Variants in RNF220 observed in about 807,000 individuals in gnomAD.
The protein encoded by RNF220 is ring finger protein 220, also known as E3 ubiquitin-protein ligase RNF220.
Under a neutral mutation model 67.1 loss-of-function variants are expected in RNF220, and 7 were observed. The ratio of observed to expected loss-of-function variants is 0.10; its 90% CI spans 0.06 to 0.20. RNF220 has a LOEUF of 0.20. RNF220 is among the 10% of genes least tolerant of loss of function. The probability of loss-of-function intolerance (pLI) is 1.00; values close to 1 mark genes in which losing one functional copy is unlikely to be tolerated. For synonymous variants in RNF220, 270 were observed against 283.2 expected (o/e 0.95, Z 0.47); for missense variants, 565 against 740.3 (o/e 0.76, Z 2.75).
intron 2 of RNF220, among the ~76,000 whole-genome samples, chr1:44,415,378 G>A (rs1411842316): frequency 3.3e-5 from 5 of 151,820 alleles, no homozygotes; most frequent in Admixed American, 2.6e-4. Flanking sequence ...AGCTTCAGGG[G>A]CAGATGGGGG....
Position 44,622,382 on chromosome 1 carries a change from G to A in RNF220, c.759-360G>A, listed in dbSNP as rs909628292. Among the ~76,000 whole-genome samples the A allele has an allele frequency of 3.9e-5, 6 of 152,234 alleles. No homozygotes were observed. Among genetic ancestry groups the A allele is most frequent in the Admixed American group, 1.3e-4 (2 of 15,292 alleles). On this transcript the variant is annotated intron_variant, in intron 3 of 14. Coordinates refer to ENST00000361799, the MANE Select transcript of RNF220 (RefSeq NM_018150.4). This position sits in a 1 kb window ranked among gnomAD's most constrained non-coding sequence, Gnocchi z 4.3. ...CCCCAATCCCACAGGAGCTAAGAGCGGGCTGGGAACAGGGGGTGGAGAGAA... is the reference window on the plus strand; with the variant it reads ...CCCCAATCCCACAGGAGCTAAGAGCAGGCTGGGAACAGGGGGTGGAGAGAA...
At chr1:44,597,556 A>G (rs1666604932) in intron 2 of RNF220, among the ~76,000 whole-genome samples, 1 of 141,278 alleles carries the variant, frequency 7.1e-6, no homozygotes, top group South Asian at 2.3e-4. Flanking sequence ...CCTCCCTCCC[A>G]TCCACACCTC....
chr1:44,507,053 G>A (rs7550459), intron 2 of RNF220, among the ~76,000 whole-genome samples: 45,900 of 151,888 alleles, frequency 0.3, 7,604 homozygotes, highest in Non-Finnish European at 0.38. Context: ...GAAGAAGGAG[G>A]CAGAGATCCT....
chr1:44,408,522 T>G (rs1055422441), intron 1 of RNF220, among the ~76,000 whole-genome samples: 22 of 152,374 alleles, frequency 1.4e-4, no homozygotes, highest in South Asian at 4.1e-4. Flanking sequence ...AAAAAAATTT[T>G]TTTCCTGCGT....
chr1:44,478,518 T>C (rs948779846), intron 2 of RNF220, among the ~76,000 whole-genome samples: 9 of 151,926 alleles, frequency 5.9e-5, no homozygotes, highest in African/African-American at 2.2e-4. Flanking sequence ...AGCTAGGAGC[T>C]CGAGACCAGC....
rs951741061 is a variant in RNF220, at chr1:44,449,977, C to T, written c.625+37255C>T. Among the ~76,000 whole-genome samples, 8 of 152,220 alleles carry T rather than the reference C, an allele frequency of 5.3e-5. No individual in the cohort carries two copies. In the South Asian group the frequency reaches 6.2e-4, roughly 12 times the overall value. The stretch of plus-strand genomic sequence containing the variant: ...CTGTAATCCCAGCACTTTGGGAGGC[C>T]GAGGCAGGCAGATCATCTGAGGTTG... On this transcript the variant is annotated intron_variant, in intron 2 of 14. Coordinates refer to ENST00000361799, the MANE Select transcript of RNF220 (RefSeq NM_018150.4).
In RNF220 at chr1:44,595,345, C is replaced by A. The variant is rs570943500; in HGVS notation, c.626-18820C>A. On this transcript the variant is annotated intron_variant, in intron 2 of 14. Coordinates refer to ENST00000361799, the MANE Select transcript of RNF220 (RefSeq NM_018150.4). ...CTGGCCACGGACACCTAGGCCACCC[C>A]CTCCAGGACGCCCGGGCCCTGTGGT... 2.0e-5 allele frequency among the ~76,000 whole-genome samples: 3 copies of A among 152,206 alleles called. No individual in the cohort carries two copies. In the South Asian group the frequency reaches 6.2e-4, roughly 32 times the overall value.
intron 3 of RNF220, among the ~76,000 whole-genome samples, chr1:44,617,895 C>G (rs1456828147): frequency 6.6e-6 from 1 of 152,076 alleles, no homozygotes; most frequent in Non-Finnish European, 1.5e-5. Context: ...TCTGCCCCAG[C>G]CCTTCTTTCC....
At chr1:44,638,879 GAA>G (rs1644407404) in intron 8 of RNF220, among the ~76,000 whole-genome samples, 1 of 152,212 alleles carries the variant, frequency 6.6e-6, no homozygotes, top group African/African-American at 2.4e-5. Flanking sequence ...ATTACTTCAA[GAA>G]AGTAAGTTGG....
chr1:44,613,695 G>C (rs1223757984), intron 2 of RNF220, among the ~76,000 whole-genome samples: 1 of 152,156 alleles, frequency 6.6e-6, no homozygotes, highest in Non-Finnish European at 1.5e-5. Flanking sequence ...TGACCAACAA[G>C]ATGAAATCCC....
chr1:44,578,178 G>A (rs1370393399), intron 2 of RNF220, among the ~76,000 whole-genome samples: 6 of 127,576 alleles, frequency 4.7e-5, no homozygotes, highest in African/African-American at 1.8e-4. Flanking sequence ...AGACAGAGTC[G>A]TGCTCTGTCT....
At chr1:44,462,517 T>TA (rs1489228924) in intron 2 of RNF220, among the ~76,000 whole-genome samples, 1 of 152,218 alleles carries the variant, frequency 6.6e-6, no homozygotes, top group Non-Finnish European at 1.5e-5. Flanking sequence ...AGAAACTTGA[T>TA]AGAGGTTTCC....
intron 2 of RNF220, among the ~76,000 whole-genome samples, chr1:44,580,030 C>CAAAAAAAAAAAAAAAAAAAAAAA (rs61499825): frequency 2.3e-4 from 15 of 65,258 alleles, no homozygotes; most frequent in African/African-American, 2.8e-4. Flanking sequence ...CCCTGTCTCA[C>CAAAAAAAAAAAAAAAAAAAAAAA]AAAAAAAAAA....
chr1:44,412,243 G>A lies in RNF220; in HGVS notation c.146G>A (p.Gly49Asp), dbSNP rs1648038616. 2 of 1,614,048 alleles carry A rather than the reference G, an allele frequency of 1.2e-6. No individual in the cohort carries two copies. The highest frequency in any genetic ancestry group is 2.7e-5 in the African/African-American group (2 of 74,910). ...CCTTGTCAGCAGCCACGACCCTTTG[G>A]TGTACCTGTCTCAGTTGACAAGGAC... The part of the protein sequence containing the change: ...SIPCQQPRPF[G>D]VPVSVDKDVH... Residue 49 changes from glycine to aspartate, a missense_variant, in exon 2 of 15, where the codon GGT becomes GAT. Transcript: ENST00000361799. The surrounding 1 kb of genome is among the most constrained non-coding windows in gnomAD (Gnocchi z 5.3).
At chr1:44,594,424 C>T (rs531494393) in intron 2 of RNF220, among the ~76,000 whole-genome samples, 7 of 152,330 alleles carry the variant, frequency 4.6e-5, no homozygotes, top group Non-Finnish European at 7.3e-5. Flanking sequence ...CAGAGCCGTA[C>T]GGGGTAAGGC....
rs35754102 is a variant in RNF220 at position 44,577,838 on chromosome 1, C to CTT, written c.626-36312_626-36311dup. On this transcript the variant is annotated intron_variant, in intron 2 of 14. Coordinates refer to ENST00000361799, the MANE Select transcript of RNF220 (RefSeq NM_018150.4). ...AAAATTAGTTGGGCGTGTCAAATGCCTTTTTTTTTTTTTTTTGAGAAAGGG... is the reference window on the plus strand; with the variant it reads ...AAAATTAGTTGGGCGTGTCAAATGCCTTTTTTTTTTTTTTTTTTGAGAAAGGG... Among the ~76,000 whole-genome samples, 363 of 140,364 alleles carry CTT rather than the reference C, an allele frequency of 2.6e-3. 7 individuals are homozygous for CTT. In the East Asian group the frequency reaches 0.034, roughly 13 times the overall value. The allele number at this position is 140,364 out of a possible 152,430, so 92.1% of individuals were successfully genotyped here. A position where few individuals can be genotyped will look rare whatever the true frequency, so the allele number is the denominator to read the frequency against.
rs188908465 is a variant in RNF220 at position 44,565,426 on chromosome 1, G to A, written c.626-48739G>A. ...GGAGTAATGGAGTTAGGGAGGAAGG[G>A]CCCAGGCAGAGCCAGAGAGAGCCGC... On this transcript the variant is annotated intron_variant, in intron 2 of 14. Transcript: ENST00000361799. The surrounding 1 kb of genome is among the most constrained non-coding windows in gnomAD (Gnocchi z 4.2). Among the ~76,000 whole-genome samples, 22 of 152,282 alleles carry A rather than the reference G, an allele frequency of 1.4e-4. No individual in the cohort carries two copies. Among genetic ancestry groups the A allele is most frequent in the African/African-American group, 4.8e-4 (20 of 41,550 alleles).
intron 2 of RNF220, among the ~76,000 whole-genome samples, chr1:44,439,803 G>A (rs139819441): frequency 3.9e-5 from 6 of 152,296 alleles, no homozygotes; most frequent in African/African-American, 1.2e-4. Flanking sequence ...CCACTCAAAG[G>A]GAAGATGAGA....
At chr1:44,593,297 G>GA (rs2148376488) in intron 2 of RNF220, among the ~76,000 whole-genome samples, 1 of 152,344 alleles carries the variant, frequency 6.6e-6, no homozygotes, top group East Asian at 1.9e-4. Flanking sequence ...GTAGGAGTCA[G>GA]AACACAGCAT....
Sources: gnomAD v4.1 joint callset for allele counts (sites outside exome capture counted in the v4.1 genomes callset) on GRCh38, gnomAD v4.1.1 for gene constraint, Gnocchi (gnomAD v3.1) non-coding constraint, MANE v1.5 for transcripts, NCBI Gene and HGNC (gene_info 2026-07-23, HGNC 2026-07-21) for gene names.